Variants in VSIG10 observed in about 807,000 individuals in gnomAD.
VSIG10 encodes V-set and immunoglobulin domain-containing protein 10.
VSIG10 carries 48 observed loss-of-function variants against 58.7 expected under a neutral mutation model. The observed-to-expected ratio is 0.82, with a 90% CI of 0.65 to 1.04. The LOEUF (loss-of-function observed/expected upper bound fraction) is 1.04, where lower values mean the gene tolerates loss of function less well. Ranked by LOEUF, VSIG10 falls within the 50% of genes least tolerant of loss-of-function variation. The pLI is 0.00. For missense variants in VSIG10, 628 were observed against 670.0 expected (o/e 0.94, Z 0.69); for synonymous variants, 260 against 267.1 (o/e 0.97, Z 0.26).
intron 2 of VSIG10, among the ~76,000 whole-genome samples, chr12:118,094,744 T>C (rs1270063245): frequency 6.6e-6 from 1 of 151,640 alleles, no homozygotes; most frequent in East Asian, 1.9e-4. Flanking sequence ...ATAATTTTTT[T>C]TTTTTTTTCT....
At chr12:118,081,747 T>G (rs2032955549) in intron 3 of VSIG10, among the ~76,000 whole-genome samples, 1 of 152,146 alleles carries the variant, frequency 6.6e-6, no homozygotes, top group Admixed American at 6.5e-5. Context: ...CCGGGCGCAG[T>G]GGCTCACGCC....
At chr12:118,093,887 C>T (rs1033604238) in intron 2 of VSIG10, among the ~76,000 whole-genome samples, 2 of 151,874 alleles carry the variant, frequency 1.3e-5, no homozygotes, top group African/African-American at 2.4e-5. Flanking sequence ...CCAGCCTGGG[C>T]GACTGAGTGA....
intron 2 of VSIG10, among the ~76,000 whole-genome samples, chr12:118,091,807 G>A (rs2033307181): frequency 6.6e-6 from 1 of 151,616 alleles, no homozygotes; most frequent in Non-Finnish European, 1.5e-5. Flanking sequence ...GCCCAGGCTG[G>A]AGTGCAATGG....
At chr12:118,070,671 A>T (rs1304556583) in intron 7 of VSIG10, among the ~76,000 whole-genome samples, 1 of 152,204 alleles carries the variant, frequency 6.6e-6, no homozygotes, top group Admixed American at 6.5e-5. Flanking sequence ...CTCAAAATGT[A>T]CACATTGTCT....
At chr12:118,078,968 AT>A (rs143622505) in intron 4 of VSIG10, among the ~76,000 whole-genome samples, 4 of 41,430 alleles carry the variant, frequency 9.7e-5, no homozygotes, top group Admixed American at 3.0e-4. Context: ...AAAAAAAAAA[AT>A]TTTCTTTATA....
Position 118,103,821 on chromosome 12 carries a change from T to C in VSIG10, c.-150A>G, listed in dbSNP as rs2033683351. 5 of 739,378 alleles carry C rather than the reference T, an allele frequency of 6.8e-6. No individual in the cohort carries two copies. The highest frequency in any genetic ancestry group is 2.5e-5 in the South Asian group (1 of 40,406). The allele number at this position is 739,378 out of a possible 1,614,324, so 45.8% of individuals were successfully genotyped here. Reference sequence around the variant, plus strand: ...CTTCCTCGGCCCCCAGGAAGGATGCTTGGCTGAGCCGAGTGTCCAGGGCCG... The same window carrying C: ...CTTCCTCGGCCCCCAGGAAGGATGCCTGGCTGAGCCGAGTGTCCAGGGCCG... On this transcript the variant is annotated 5_prime_UTR_variant, in exon 1 of 9. Coordinates refer to ENST00000359236, the MANE Select transcript of VSIG10 (RefSeq NM_019086.6).
chr12:118,097,724 C>T (rs1166848573), intron 1 of VSIG10, among the ~76,000 whole-genome samples: 1 of 152,002 alleles, frequency 6.6e-6, no homozygotes, highest in Non-Finnish European at 1.5e-5. Context: ...GAGTTCGAGA[C>T]TAGCCTGGCC....
At chr12:118,081,743 G>A (rs549842984) in intron 3 of VSIG10, among the ~76,000 whole-genome samples, 24 of 152,244 alleles carry the variant, frequency 1.6e-4, no homozygotes, top group African/African-American at 5.3e-4. Context: ...GAGGCCGGGC[G>A]CAGTGGCTCA....
In VSIG10 at chr12:118,074,007, G is replaced by A; in HGVS notation, c.926-15C>T. The A allele has an allele frequency of 1.3e-6, 2 of 1,529,064 alleles. No homozygotes were observed. Among genetic ancestry groups the A allele is most frequent in the South Asian group, 1.3e-5 (1 of 76,598 alleles). 94.7% of individuals were successfully genotyped at this position (1,529,064 alleles called of 1,614,324 possible). On this transcript the variant is annotated splice_polypyrimidine_tract_variant and intron_variant, in intron 4 of 8. Coordinates refer to ENST00000359236, the MANE Select transcript of VSIG10 (RefSeq NM_019086.6). The stretch of plus-strand genomic sequence containing the variant: ...GGAGGGACCCCCTGGTGATCAGAAG[G>A]TAAACAAAGACAAATGTTTAAAGAG...
Position 118,068,457 on chromosome 12 carries a change from T to A in VSIG10, c.1487A>T (p.Lys496Met). The change falls in exon 8 of 9, where the codon AAG (lysine) becomes ATG (methionine). Residue 496 changes from lysine (K) to methionine (M), a missense_variant. Lys to Met is a moderately conservative substitution (Grantham distance 95). Transcript: ENST00000359236. ...EREELPKEIP[K>M]QDHIHRVTAL... is the part of the protein sequence containing the mutation. ...GGTCACTCTGTGAATGTGGTCCTGC[T>A]TAGGTATTTCTTTTGGCAACTCCTC... 1 of 1,613,938 alleles carries A rather than the reference T, an allele frequency of 6.2e-7. No individual in the cohort carries two copies. The highest frequency in any genetic ancestry group is 8.5e-7 in the Non-Finnish European group (1 of 1,179,886).
In VSIG10 at chr12:118,103,735, G is replaced by A; in HGVS notation, c.-64C>T. On this transcript the variant is annotated 5_prime_UTR_variant, in exon 1 of 9. Transcript: ENST00000359236. ...CTGGGCTGGACGTGTGTGCCCCAGG[G>A]CCCCGGGGCCCGGGGTACCGAGGGC... 7.3e-7 allele frequency: 1 copy of A among 1,372,282 alleles called. No homozygotes were observed. The allele number at this position is 1,372,282 out of a possible 1,614,324, so 85.0% of individuals were successfully genotyped here. A position where few individuals can be genotyped will look rare whatever the true frequency, so the allele number is the denominator to read the frequency against.
At chr12:118,069,786 G>T (rs1164810327) in intron 7 of VSIG10, among the ~76,000 whole-genome samples, 1 of 152,160 alleles carries the variant, frequency 6.6e-6, no homozygotes, top group African/African-American at 2.4e-5. Flanking sequence ...CCTGCCCGAG[G>T]AGCTGTGTTA....
intron 2 of VSIG10, among the ~76,000 whole-genome samples, chr12:118,087,836 TC>T (rs2033171426): frequency 5.5e-5 from 1 of 18,060 alleles, no homozygotes; most frequent in Non-Finnish European, 1.5e-4. Context: ...AGATCCTGTC[TC>T]AAAAAAAAAA....
rs536335889 is a variant in VSIG10, at chr12:118,097,369, G to A, written c.80-1555C>T. On this transcript the variant is annotated intron_variant, in intron 1 of 8. Transcript: ENST00000359236. The stretch of plus-strand genomic sequence containing the variant: ...TGGCTCATGCCTGTAATTCCAGCAC[G>A]CTGGGAGGCCGAGGGAGGAGGTTTC... Among the ~76,000 whole-genome samples the A allele has an allele frequency of 4.6e-5, 7 of 152,234 alleles. No homozygotes were observed. The East Asian group carries it at 1.2e-3, about 25-fold the overall frequency.
intron 4 of VSIG10, among the ~76,000 whole-genome samples, chr12:118,078,312 C>T (rs1348598526): frequency 6.6e-6 from 1 of 152,090 alleles, no homozygotes; most frequent in Non-Finnish European, 1.5e-5. Context: ...GCATGCGCCA[C>T]CACGCCCAAC....
At position 118,066,721 on chromosome 12, in the gene VSIG10, C is replaced by G. The variant is rs148118336; in HGVS notation, c.1568-27G>C. 119 of 1,566,654 alleles carry G rather than the reference C, an allele frequency of 7.6e-5. No homozygotes were observed. The East Asian group carries it at 2.5e-3, about 33-fold the overall frequency. ...TGTATGGGGGGAAATAAACCCAATG[C>G]TTTGTAATCAGAGTGTGATTCTATT... On this transcript the variant is annotated intron_variant, in intron 8 of 8. Coordinates refer to ENST00000359236, the MANE Select transcript of VSIG10 (RefSeq NM_019086.6).
intron 5 of VSIG10, among the ~76,000 whole-genome samples, chr12:118,072,694 T>A (rs1444584939): frequency 6.6e-6 from 1 of 151,794 alleles, no homozygotes; most frequent in African/African-American, 2.4e-5. Context: ...CTCATCTGTA[T>A]AAAAAATAAA....
intron 1 of VSIG10, among the ~76,000 whole-genome samples, chr12:118,096,673 G>A (rs752783986): frequency 4.0e-5 from 6 of 150,744 alleles, no homozygotes; most frequent in African/African-American, 1.2e-4. Context: ...CGCCGGCCTC[G>A]GCCTCCCAAA....
At chr12:118,102,322 A>C (rs528450546) in intron 1 of VSIG10, 1 of 152,474 alleles carries the variant, frequency 6.6e-6, no homozygotes, top group South Asian at 2.1e-4. Flanking sequence ...ATGACCAACT[A>C]GGAACTGTCC....
Sources: gnomAD v4.1 joint callset for allele counts (sites outside exome capture counted in the v4.1 genomes callset) on GRCh38, gnomAD v4.1.1 for gene constraint, MANE v1.5 for transcripts, NCBI Gene and HGNC (gene_info 2026-07-23, HGNC 2026-07-21) for gene names.